Variants in FAM177A1 observed in about 807,000 individuals in gnomAD.
The protein encoded by FAM177A1 is family with sequence similarity 177 member A1, also known as protein FAM177A1.
Under a neutral mutation model 26.1 loss-of-function variants are expected in FAM177A1, and 22 were observed. The ratio of observed to expected loss-of-function variants is 0.84; its 90% confidence interval spans 0.60 to 1.20. FAM177A1 has a LOEUF of 1.20. Among genes scored for constraint, FAM177A1 ranks in the 50% most tolerant of loss-of-function variants. The pLI is 0.00. For synonymous variants in FAM177A1, 95 were observed against 99.3 expected (o/e 0.96, Z 0.26); for missense variants, 296 against 291.1 (o/e 1.02, Z -0.12).
chr14:35,070,719 C>G (rs1404113784), intron 2 of FAM177A1, among the ~76,000 whole-genome samples: 1 of 152,126 alleles, frequency 6.6e-6, no homozygotes, highest in African/African-American at 2.4e-5. Context: ...GAATGAAGAG[C>G]TTCCTAAATG....
chr14:35,060,114 C>G (rs1376735649), intron 2 of FAM177A1, among the ~76,000 whole-genome samples: 1 of 152,128 alleles, frequency 6.6e-6, no homozygotes, highest in Non-Finnish European at 1.5e-5. Flanking sequence ...ACTGGGCTTA[C>G]TGGCATGCAC....
At chr14:35,066,474 C>T (rs558568946) in intron 2 of FAM177A1, among the ~76,000 whole-genome samples, 11 of 149,602 alleles carry the variant, frequency 7.4e-5, no homozygotes, top group Non-Finnish European at 1.5e-4. Context: ...GGCGTAATCT[C>T]GGCTCACTGC....
chr14:35,073,209 A>G (rs1001104672), intron 2 of FAM177A1, among the ~76,000 whole-genome samples: 3 of 152,166 alleles, frequency 2.0e-5, no homozygotes, highest in Middle Eastern at 3.2e-3. Flanking sequence ...TAGCTGGACT[A>G]CAGGTGCACG....
chr14:35,060,232 C>T (rs1052858152), intron 2 of FAM177A1, among the ~76,000 whole-genome samples: 14 of 152,106 alleles, frequency 9.2e-5, no homozygotes, highest in African/African-American at 3.4e-4. Flanking sequence ...GCCTTGGCCT[C>T]CTAAAGTGCT....
At chr14:35,058,243 T>C (rs2045092995) in intron 2 of FAM177A1, among the ~76,000 whole-genome samples, 2 of 152,052 alleles carry the variant, frequency 1.3e-5, no homozygotes, top group Non-Finnish European at 2.9e-5. Context: ...GTTTTGTATT[T>C]TTAGTAGAGA....
chr14:35,075,954 C>G (rs148562771), intron 2 of FAM177A1, among the ~76,000 whole-genome samples: 24,269 of 152,014 alleles, frequency 0.16, 2,125 homozygotes, highest in Middle Eastern at 0.22. Context: ...AGGTGCTGGA[C>G]AGGATGTGGA....
At position 35,081,663 on chromosome 14, in the gene FAM177A1, A is replaced by G. The variant is rs555644005; in HGVS notation, c.*435A>G. 4 of 153,432 alleles carry G rather than the reference A, an allele frequency of 2.6e-5. No homozygotes were observed. The South Asian group carries it at 6.1e-4, about 23-fold the overall frequency. 9.5% of individuals were successfully genotyped at this position (153,432 alleles called of 1,614,324 possible). ...TTCTCATGTTATGCCATGCATTTAT[A>G]TATCTAACCATTAATTTCACACTAA... On this transcript the variant is annotated 3_prime_UTR_variant, in exon 5 of 5. Transcript: ENST00000280987.
rs1301180986 is a variant in FAM177A1, at chr14:35,078,957, CT to C, written c.438del (p.Val147PhefsTer19). 3.2e-6 allele frequency: 5 copies of C among 1,549,364 alleles called. No homozygotes were observed. Among genetic ancestry groups the C allele is most frequent in the Non-Finnish European group, 3.5e-6 (4 of 1,159,420 alleles). On this transcript the variant is annotated frameshift_variant, in exon 4 of 5. Coordinates refer to ENST00000280987, the MANE Select transcript of FAM177A1 (RefSeq NM_173607.5). LOFTEE classifies it high-confidence loss of function. The part of the protein sequence containing the change: ...VCDFLGEKIA[S>X]VLGISTPKYQ... ...GACTTCCTTGGAGAGAAGATTGCAT[CT>C]GTTTTGGGTATCAGCACCCCAAAGT...
chr14:35,058,972 G>A (rs1348072769), intron 2 of FAM177A1, among the ~76,000 whole-genome samples: 1 of 151,940 alleles, frequency 6.6e-6, no homozygotes, highest in Non-Finnish European at 1.5e-5. Flanking sequence ...GAGTCACTCT[G>A]TCGCCCAGGC....
intron 3 of FAM177A1, among the ~76,000 whole-genome samples, chr14:35,078,658 A>G (rs1156997590): frequency 6.6e-6 from 1 of 152,158 alleles, no homozygotes; most frequent in African/African-American, 2.4e-5. Context: ...GGCAGTATAC[A>G]CTTTTCTTAA....
intron 1 of FAM177A1, among the ~76,000 whole-genome samples, chr14:35,049,109 T>C (rs2044922964): frequency 6.6e-6 from 1 of 152,094 alleles, no homozygotes; most frequent in Admixed American, 6.6e-5. Context: ...CAGGCTGGTC[T>C]TGAAGTCCTG....
chr14:35,077,058 G>A (rs1197062263), intron 2 of FAM177A1, 92 bp from the exon 3 acceptor site: 7 of 943,940 alleles, frequency 7.4e-6, no homozygotes, highest in South Asian at 2.6e-5. Context: ...GAATATTCTC[G>A]GTGCCTACCA....
intron 2 of FAM177A1, among the ~76,000 whole-genome samples, chr14:35,063,505 G>T (rs1307051905): frequency 6.6e-6 from 1 of 151,984 alleles, no homozygotes; most frequent in Admixed American, 6.6e-5. Context: ...TTGAACCTGG[G>T]AGGTGGAGGT....
At chr14:35,046,686 C>A in intron 1 of FAM177A1, 58 bp downstream of exon 1, 1 of 1,486,484 alleles carries the variant, frequency 6.7e-7, no homozygotes, top group Non-Finnish European at 9.0e-7. Context: ...TTGCCTTCTC[C>A]GCGGGCCGCT....
At chr14:35,076,705 A>C (rs1490956705) in intron 2 of FAM177A1, among the ~76,000 whole-genome samples, 2 of 152,028 alleles carry the variant, frequency 1.3e-5, no homozygotes, top group African/African-American at 4.8e-5. Flanking sequence ...ATCCTGCTTA[A>C]TTTCTCTGAA....
chr14:35,061,346 A>G (rs1433503373), intron 2 of FAM177A1, among the ~76,000 whole-genome samples: 1 of 151,868 alleles, frequency 6.6e-6, no homozygotes, highest in Non-Finnish European at 1.5e-5. Context: ...ACTCAGGGCA[A>G]TCTCTGAGCC....
chr14:35,067,263 A>T (rs2045254701), intron 2 of FAM177A1, among the ~76,000 whole-genome samples: 1 of 152,214 alleles, frequency 6.6e-6, no homozygotes, highest in Non-Finnish European at 1.5e-5. Context: ...TGGATTCCAC[A>T]TAAAAGTGAA....
At chr14:35,057,249 T>A (rs988711029) in intron 2 of FAM177A1, among the ~76,000 whole-genome samples, 1 of 152,190 alleles carries the variant, frequency 6.6e-6, no homozygotes, top group African/African-American at 2.4e-5. Flanking sequence ...TGTTTACAAA[T>A]GGGGTCCTGC....
chr14:35,058,346 G>C (rs1439960742), intron 2 of FAM177A1, among the ~76,000 whole-genome samples: 1 of 152,124 alleles, frequency 6.6e-6, no homozygotes, highest in Non-Finnish European at 1.5e-5. Context: ...TTACAGGTGT[G>C]AGCCACCGTG....
Sources: gnomAD v4.1 joint callset for allele counts (sites outside exome capture counted in the v4.1 genomes callset) on GRCh38, gnomAD v4.1.1 for gene constraint, MANE v1.5 for transcripts, NCBI Gene and HGNC (gene_info 2026-07-23, HGNC 2026-07-21) for gene names.